MED12L: variants seen among roughly 807,000 people sequenced by gnomAD.
The protein encoded by MED12L is mediator complex subunit 12L.
MED12L carries 60 observed loss-of-function variants against 281.3 expected under a neutral mutation model. The observed-to-expected ratio is 0.21, with a 90% CI of 0.17 to 0.26. The LOEUF is 0.26. Among genes scored for constraint, MED12L ranks in the 10% least tolerant of loss-of-function variants. The pLI, the probability that MED12L is intolerant of heterozygous loss-of-function variation, is 1.00. For synonymous variants in MED12L, 974 were observed against 987.2 expected, an observed-to-expected ratio of 0.99 and a Z score of 0.25; for missense variants, 2,146 against 2,680.9, an observed-to-expected ratio of 0.80 and a Z score of 4.41.
intron 15 of MED12L, among the ~76,000 whole-genome samples, chr3:151,192,859 C>T (rs1724167767): frequency 6.6e-6 from 1 of 152,122 alleles, no homozygotes; most frequent in South Asian, 2.1e-4. Context: ...AATTGGAACA[C>T]TCCTGTCCTC....
chr3:151,242,287 C>T (rs1308512333), intron 16 of MED12L, among the ~76,000 whole-genome samples: 2 of 152,264 alleles, frequency 1.3e-5, no homozygotes, highest in African/African-American at 4.8e-5. Context: ...TCAAGGAGGC[C>T]TGCCTGCCTC....
intron 16 of MED12L, among the ~76,000 whole-genome samples, chr3:151,233,693 A>G (rs1732169431): frequency 6.6e-6 from 1 of 152,232 alleles, no homozygotes; most frequent in Admixed American, 6.5e-5. Flanking sequence ...AGATCGTGCC[A>G]TTGCACTCCA....
At chr3:151,271,211 A>G (rs1036750823) in intron 16 of MED12L, among the ~76,000 whole-genome samples, 9 of 152,210 alleles carry the variant, frequency 5.9e-5, no homozygotes, top group Non-Finnish European at 1.2e-4. Context: ...TGCTGAAAAG[A>G]TGCAAACAAA....
intron 33 of MED12L, among the ~76,000 whole-genome samples, chr3:151,383,186 A>G (rs2108148847): frequency 6.6e-6 from 1 of 152,362 alleles, no homozygotes; most frequent in African/African-American, 2.4e-5. Context: ...AATGTCTCAC[A>G]TATTGTGCAT....
chr3:151,350,139 T>A lies in MED12L; in HGVS notation c.2331T>A (p.His777Gln), dbSNP rs1414070314. Residue 777 changes from histidine (H) to glutamine (Q), a missense_variant, in exon 17 of 45, where the codon CAT (histidine) becomes CAA (glutamine). Around this residue, in one of 9 missense-constraint regions of MED12L, gnomAD observed 404 missense variants for 603.5 expected, o/e 0.67. Transcript: ENST00000687756. Reference protein sequence around the residue: ...GVGKERDEARHQLKKITKDIL... With the variant: ...GVGKERDEARQQLKKITKDIL... Reference sequence around the variant, plus strand: ...GCAAAGAGCGTGATGAAGCAAGGCATCAGCTGAAGAAGATTACCAAAGATA... The same window carrying A: ...GCAAAGAGCGTGATGAAGCAAGGCAACAGCTGAAGAAGATTACCAAAGATA... 1 of 1,613,656 alleles carries A rather than the reference T, an allele frequency of 6.2e-7. No individual in the cohort carries two copies. Among genetic ancestry groups the A allele is most frequent in the African/African-American group, 1.3e-5 (1 of 74,842 alleles).
intron 16 of MED12L, among the ~76,000 whole-genome samples, chr3:151,318,496 G>A (rs948784264): frequency 1.3e-5 from 2 of 151,962 alleles, no homozygotes; most frequent in Non-Finnish European, 2.9e-5. Context: ...AATAAATGAG[G>A]TACTGCTCAT....
intron 11 of MED12L, among the ~76,000 whole-genome samples, chr3:151,167,089 A>AG (rs1409966518): frequency 2.6e-5 from 4 of 152,240 alleles, no homozygotes; most frequent in Non-Finnish European, 5.9e-5. Flanking sequence ...TCTTAAAAAA[A>AG]TCTTTTTAGC....
intron 16 of MED12L, among the ~76,000 whole-genome samples, chr3:151,306,280 C>T (rs1327025746): frequency 6.6e-6 from 1 of 152,148 alleles, no homozygotes; most frequent in Admixed American, 6.5e-5. Context: ...CTCTTAGCAA[C>T]CCAGAAAAAA....
intron 38 of MED12L, 146 bp from the exon 39 acceptor site, chr3:151,394,510 A>T (rs1714703125): frequency 8.2e-7 from 1 of 1,219,324 alleles, no homozygotes; most frequent in Admixed American, 2.6e-5. Context: ...CAGGTCTATA[A>T]TATTTGTGGC....
chr3:151,293,839 T>C (rs75270747), intron 16 of MED12L, among the ~76,000 whole-genome samples: 2,876 of 152,254 alleles, frequency 0.019, 86 homozygotes, highest in African/African-American at 0.066. Flanking sequence ...ATAATTCTCT[T>C]TTCTATACTT....
At chr3:151,139,014 T>A (rs1445361805) in intron 5 of MED12L, among the ~76,000 whole-genome samples, 1 of 152,076 alleles carries the variant, frequency 6.6e-6, no homozygotes, top group Non-Finnish European at 1.5e-5. Flanking sequence ...CCTACCTACC[T>A]ACTATTCTTT....
chr3:151,221,647 C>T (rs777497662), intron 16 of MED12L, among the ~76,000 whole-genome samples: 3 of 152,228 alleles, frequency 2.0e-5, no homozygotes, highest in African/African-American at 4.8e-5. Context: ...GTGGAGCCTG[C>T]GAGTGCACAG....
rs753742161 is a variant in MED12L, at chr3:151,382,687, A to T, written c.4622A>T (p.Gln1541Leu). 11 of 1,612,554 alleles carry T rather than the reference A, an allele frequency of 6.8e-6. No individual in the cohort carries two copies. The highest frequency in any genetic ancestry group is 9.3e-6 in the Non-Finnish European group (11 of 1,179,274). The change falls in exon 33 of 45, where the codon CAA becomes CTA. Residue 1541 changes from glutamine (Q) to leucine (L), a missense_variant. By Grantham distance (113) the Gln-to-Leu change is moderately radical (BLOSUM62 -2). This residue lies in a region of MED12L where 212 missense variants were observed against 340.8 expected (regional missense o/e 0.62). Transcript: ENST00000687756. ...AGTAACTGGAGAGAAGAACGATACC[A>T]AGATGACATAAAAGCGCGGCAGATG... ...ILSNWREERY[Q>L]DDIKARQMMH... is the part of the protein sequence containing the mutation.
At chr3:151,293,975 GCCA>G in intron 16 of MED12L, 1 of 465,712 alleles carries the variant, frequency 2.1e-6, no homozygotes, top group South Asian at 2.9e-5. Context: ...CATTAACCCT[GCCA>G]TTCACCCATA....
chr3:151,232,416 C>T (rs1731878482), intron 16 of MED12L, among the ~76,000 whole-genome samples: 1 of 152,156 alleles, frequency 6.6e-6, no homozygotes, highest in Admixed American at 6.5e-5. Flanking sequence ...TACCATTTGA[C>T]CCAGCCATCC....
intron 16 of MED12L, among the ~76,000 whole-genome samples, chr3:151,195,439 T>C (rs1724524011): frequency 6.6e-6 from 1 of 152,156 alleles, no homozygotes; most frequent in Admixed American, 6.5e-5. Flanking sequence ...TTACAATTAA[T>C]CCATTTTTTG....
At chr3:151,293,343 A>T (rs1744514419) in intron 16 of MED12L, among the ~76,000 whole-genome samples, 2 of 152,172 alleles carry the variant, frequency 1.3e-5, no homozygotes, top group South Asian at 4.1e-4. Context: ...GTCAGCAAAC[A>T]CGCCTTCACT....
chr3:151,141,131 T>G (rs1343445567), intron 5 of MED12L, among the ~76,000 whole-genome samples: 1 of 150,938 alleles, frequency 6.6e-6, no homozygotes, highest in African/African-American at 2.4e-5. Context: ...CCTCCCACAG[T>G]GCTGGGATTA....
intron 2 of MED12L, among the ~76,000 whole-genome samples, chr3:151,099,047 A>G (rs1329833434): frequency 1.3e-5 from 2 of 152,162 alleles, no homozygotes; most frequent in East Asian, 3.9e-4. Context: ...ACCAAGAGAA[A>G]GATATGGGGG....
Sources: allele counts gnomAD v4.1 joint callset (sites outside exome capture counted in the v4.1 genomes callset), GRCh38; gene constraint gnomAD v4.1.1; regional missense constraint gnomAD v4.1.1; transcripts MANE v1.5; gene names NCBI Gene and HGNC (gene_info 2026-07-23, HGNC 2026-07-21).